Variants in DYNC2H1 observed in about 807,000 individuals in gnomAD.
The protein encoded by DYNC2H1 is cytoplasmic dynein 2 heavy chain 1.
A neutral mutation model predicts 570.0 loss-of-function variants in DYNC2H1; 410 were observed. The ratio of observed to expected loss-of-function variants is 0.72; its 90% CI spans 0.66 to 0.78. The LOEUF (loss-of-function observed/expected upper bound fraction) is 0.78, where lower values mean the gene tolerates loss of function less well. Ranked by LOEUF, DYNC2H1 falls within the 30% of genes least tolerant of loss-of-function variation. The probability of loss-of-function intolerance (pLI) is 0.00; values close to 1 mark genes in which losing one functional copy is unlikely to be tolerated. For synonymous variants in DYNC2H1, 1,688 were observed against 1,677.6 expected, an observed-to-expected ratio of 1.01 and a Z score of -0.15; for missense variants, 4,865 against 5,046.4, an observed-to-expected ratio of 0.96 and a Z score of 1.09.
chr11:103,301,522 T>A (rs1867046630), intron 75 of DYNC2H1, among the ~76,000 whole-genome samples: 1 of 151,990 alleles, frequency 6.6e-6, no homozygotes, highest in Non-Finnish European at 1.5e-5. Context: ...TTGCTAAATT[T>A]AAATTGCTAA....
At chr11:103,460,372 G>C (rs1944967840) in intron 87 of DYNC2H1, among the ~76,000 whole-genome samples, 1 of 151,316 alleles carries the variant, frequency 6.6e-6, no homozygotes, top group East Asian at 1.9e-4. Flanking sequence ...GTGTCAAAAT[G>C]TGTTCATATT....
At chr11:103,126,986 A>G (rs115902570) in intron 12 of DYNC2H1, among the ~76,000 whole-genome samples, 2,341 of 152,336 alleles carry the variant, frequency 0.015, 55 homozygotes, top group African/African-American at 0.052. Flanking sequence ...TATTTAATGT[A>G]TTATAAGTAC....
rs1944423883 is a variant in DYNC2H1, at chr11:103,446,350, A to G, written c.12457-8836A>G. On this transcript the variant is annotated intron_variant, in intron 85 of 88. Transcript: ENST00000375735. The surrounding 1 kb of genome is among the most constrained non-coding windows in gnomAD (Gnocchi z 4.5). ...AAGAAATAGTAGTTAGGTATATAGA[A>G]GAAAGCCTGGGAGGCTGTAGTGATC... Among the ~76,000 whole-genome samples the G allele has an allele frequency of 6.6e-6, 1 of 152,194 alleles. No individual in the cohort carries two copies. The highest frequency in any genetic ancestry group is 1.5e-5 in the Non-Finnish European group (1 of 68,030).
At chr11:103,386,703 A>C (rs1941890455) in intron 83 of DYNC2H1, among the ~76,000 whole-genome samples, 1 of 151,890 alleles carries the variant, frequency 6.6e-6, no homozygotes, top group African/African-American at 2.4e-5. Context: ...TCCTGTGTAC[A>C]TGTGTTCTCA....
Position 103,263,130 on chromosome 11 carries a change from AG to A in DYNC2H1, c.10695+3156del, listed in dbSNP as rs1477722001. 4.6e-5 allele frequency among the ~76,000 whole-genome samples: 7 copies of A among 152,184 alleles called. No individual in the cohort carries two copies. In the South Asian group the frequency reaches 1.2e-3, roughly 27 times the overall value. ...AAGACAAGGGCATTGCATATGGTAA[AG>A]GGATCAATGCAACGAGAAGAGCTAA... is the stretch of plus-strand genomic sequence containing the variant. On this transcript the variant is annotated intron_variant, in intron 70 of 88. Transcript: ENST00000375735.
Position 103,145,410 on chromosome 11 carries a change from C to T in DYNC2H1, c.2702+2015C>T, listed in dbSNP as rs1860190492. Reference sequence around the variant, plus strand: ...TGCTTGCACATGGGGTTTTTCTTCTCTGTTGGGCCTTGCCTTTGATCCCAA... The same window carrying T: ...TGCTTGCACATGGGGTTTTTCTTCTTTGTTGGGCCTTGCCTTTGATCCCAA... On this transcript the variant is annotated intron_variant, in intron 18 of 88. Transcript: ENST00000375735. The surrounding 1 kb of genome is among the most constrained non-coding windows in gnomAD (Gnocchi z 4.2). Among the ~76,000 whole-genome samples the T allele has an allele frequency of 6.6e-6, 1 of 152,098 alleles. No individual in the cohort carries two copies. Among genetic ancestry groups the T allele is most frequent in the Non-Finnish European group, 1.5e-5 (1 of 67,998 alleles).
chr11:103,238,930 C>T (rs979289505), intron 63 of DYNC2H1, among the ~76,000 whole-genome samples: 10 of 152,126 alleles, frequency 6.6e-5, no homozygotes, highest in Non-Finnish European at 1.0e-4. Context: ...CACTTGTTGT[C>T]CTGATACAAT....
At chr11:103,379,111 T>C (rs1941530721) in intron 83 of DYNC2H1, among the ~76,000 whole-genome samples, 1 of 152,168 alleles carries the variant, frequency 6.6e-6, no homozygotes, top group African/African-American at 2.4e-5. Context: ...TCTGAAATAG[T>C]GACACAGTGG....
intron 87 of DYNC2H1, among the ~76,000 whole-genome samples, chr11:103,463,783 C>T (rs913957681): frequency 7.2e-5 from 11 of 152,046 alleles, no homozygotes; most frequent in Non-Finnish European, 1.5e-4. Flanking sequence ...AAAGCTGTTG[C>T]AGAATCACTG....
chr11:103,120,323 G>T, intron 6 of DYNC2H1, 124 bp from the exon 7 acceptor site: 1 of 882,890 alleles, frequency 1.1e-6, no homozygotes, highest in Non-Finnish European at 1.6e-6. Flanking sequence ...CAGTTTTATT[G>T]GTTTTTTCTT....
intron 83 of DYNC2H1, among the ~76,000 whole-genome samples, chr11:103,380,210 C>T (rs1941581535): frequency 6.6e-6 from 1 of 152,196 alleles, no homozygotes; most frequent in African/African-American, 2.4e-5. Context: ...CTGTAACTGA[C>T]TGTAAACAGT....
At chr11:103,348,080 T>C (rs1939845443) in intron 82 of DYNC2H1, among the ~76,000 whole-genome samples, 1 of 152,084 alleles carries the variant, frequency 6.6e-6, no homozygotes, top group Admixed American at 6.6e-5. Context: ...TAACACTAAT[T>C]AGCAAATTCT....
chr11:103,270,804 A>G (rs1865682447), intron 70 of DYNC2H1, among the ~76,000 whole-genome samples: 1 of 152,276 alleles, frequency 6.6e-6, no homozygotes, highest in Non-Finnish European at 1.5e-5. Context: ...TTTAATATCT[A>G]TGAGTTCTTT....
chr11:103,286,998 TA>T (rs1254932386), intron 74 of DYNC2H1, among the ~76,000 whole-genome samples: 1 of 152,146 alleles, frequency 6.6e-6, no homozygotes, highest in Non-Finnish European at 1.5e-5. Context: ...CATCTAGGAA[TA>T]TCATAGATAT....
At chr11:103,263,206 G>A (rs1212379683) in intron 70 of DYNC2H1, among the ~76,000 whole-genome samples, 1 of 151,986 alleles carries the variant, frequency 6.6e-6, no homozygotes, top group Non-Finnish European at 1.5e-5. Context: ...GATTCATAAA[G>A]CAAGTTCTTA....
At chr11:103,176,559 G>GA (rs1229644893) in intron 37 of DYNC2H1, 125 bp downstream of exon 37, 1 of 733,100 alleles carries the variant, frequency 1.4e-6, no homozygotes, top group African/African-American at 1.9e-5. Flanking sequence ...CTTGCTCAGG[G>GA]AAGTCTTCCC....
Position 103,358,265 on chromosome 11 carries a change from T to C in DYNC2H1, c.12062T>C (p.Leu4021Ser). The C allele has an allele frequency of 6.3e-7, 1 of 1,583,488 alleles. No individual in the cohort carries two copies. The highest frequency in any genetic ancestry group is 2.3e-5 in the East Asian group (1 of 44,062). ...SSQVISQLRI[L>S]GRSITAGSKF... ...CAGGTTATTTCACAGTTGAGGATTT[T>C]GGGCAGATCCATAACAGCTGGTTCC... The change falls in exon 83 of 89, where the codon TTG becomes TCG. Residue 4021 changes from leucine to serine, a missense_variant. Leu to Ser is a moderately radical substitution (Grantham distance 145, BLOSUM62 -2). This residue lies in a region of DYNC2H1 where 2,401 missense variants were observed against 2,454.6 expected (regional missense o/e 0.98). Transcript: ENST00000375735.
chr11:103,213,419 C>G (rs1460004933), intron 54 of DYNC2H1, among the ~76,000 whole-genome samples: 4 of 151,942 alleles, frequency 2.6e-5, no homozygotes, highest in Non-Finnish European at 5.9e-5. Flanking sequence ...TTTAAACTAT[C>G]AAATATGTAT....
chr11:103,160,229 T>G (rs1356443425), intron 28 of DYNC2H1, among the ~76,000 whole-genome samples: 6 of 152,124 alleles, frequency 3.9e-5, no homozygotes, highest in African/African-American at 1.4e-4. Flanking sequence ...AAGATCAAAA[T>G]GACATAATAT....
Sources: allele counts gnomAD v4.1 joint callset (sites outside exome capture counted in the v4.1 genomes callset), GRCh38; gene constraint gnomAD v4.1.1; regional missense constraint gnomAD v4.1.1; non-coding constraint Gnocchi (gnomAD v3.1); transcripts MANE v1.5; gene names NCBI Gene and HGNC (gene_info 2026-07-23, HGNC 2026-07-21).